Variants in DMBT1 observed in about 807,000 individuals in gnomAD.
The protein encoded by DMBT1 is scavenger receptor cysteine-rich domain-containing protein DMBT1.
A neutral mutation model predicts 252.9 loss-of-function variants in DMBT1; 198 were observed. The observed-to-expected ratio is 0.78, with a 90% CI of 0.70 to 0.88. The LOEUF (loss-of-function observed/expected upper bound fraction) is 0.88, where lower values mean the gene tolerates loss of function less well. DMBT1 is among the 40% of genes least tolerant of loss of function. DMBT1 has a pLI of 0.00. For missense variants in DMBT1, 2,432 were observed against 2,404.7 expected, an observed-to-expected ratio of 1.01 and a Z score of -0.24; for synonymous variants, 990 against 942.7, an observed-to-expected ratio of 1.05 and a Z score of -0.92.
At chr10:122,576,853 C>T in intron 7 of DMBT1, 131 bp downstream of exon 7, 1 of 1,095,128 alleles carries the variant, frequency 9.1e-7, no homozygotes, top group Non-Finnish European at 1.3e-6. Flanking sequence ...GATGGCAAAC[C>T]CCATCTCTAT....
Position 122,629,991 on chromosome 10 carries a change from GAAGT to G in DMBT1, c.5822+5_5822+8del, listed in dbSNP as rs1014303825. 1 of 1,613,980 alleles carries G rather than the reference GAAGT, an allele frequency of 6.2e-7. No homozygotes were observed. The highest frequency in any genetic ancestry group is 8.5e-7 in the Non-Finnish European group (1 of 1,179,890). The stretch of plus-strand genomic sequence containing the variant: ...GCATAAACCTGGGCTTCAGTAATCT[GAAGT>G]AAGTAATGCCTGGTCATCTGGTGAG... On this transcript the variant is annotated splice_donor_variant and coding_sequence_variant, in exon 47 of 56. Coordinates refer to ENST00000338354, the MANE Select transcript of DMBT1 (RefSeq NM_001377530.1). LOFTEE classifies it high-confidence loss of function.
chr10:122,569,747 TCTTTCGAAACCAC>T (rs2097643895), intron 2 of DMBT1, among the ~76,000 whole-genome samples: 1 of 152,228 alleles, frequency 6.6e-6, no homozygotes, highest in South Asian at 2.1e-4. Context: ...AGGTTGGTAT[TCTTTCGAAACCAC>T]CTTTCTTTCT....
At position 122,573,731 on chromosome 10, in the gene DMBT1, A is replaced by G. The variant is rs759408245; in HGVS notation, c.252A>G (p.Ser84=). The G allele has an allele frequency of 5.0e-6, 8 of 1,613,920 alleles. No individual in the cohort carries two copies. In the South Asian group the frequency reaches 8.8e-5, roughly 18 times the overall value. The part of the protein sequence containing the change: ...STVAEGSLIP[S]ESTLESTVAE... Reference sequence around the variant, plus strand: ...ACCCTGCAGGTTCTCTGATTCCCTCAGAGTCAACCCTGGAGTCAACTGTAG... The same window carrying G: ...ACCCTGCAGGTTCTCTGATTCCCTCGGAGTCAACCCTGGAGTCAACTGTAG... The change falls in exon 6 of 56, where the codon TCA becomes TCG. Residue 84 remains serine (S), a synonymous_variant. Transcript: ENST00000338354.
intron 1 of DMBT1, among the ~76,000 whole-genome samples, chr10:122,561,638 C>T (rs919796765): frequency 2.0e-5 from 2 of 101,030 alleles, no homozygotes; most frequent in African/African-American, 6.7e-5. Flanking sequence ...CCCTCTCTCT[C>T]CCTCTGTTTC....
intron 17 of DMBT1, among the ~76,000 whole-genome samples, chr10:122,590,286 GC>G (rs1467083487): frequency 4.7e-5 from 7 of 148,908 alleles, no homozygotes; most frequent in Non-Finnish European, 1.0e-4. Flanking sequence ...GCCCATTAGG[GC>G]TGCTGAGCAA....
In DMBT1 at chr10:122,599,547, G is replaced by T. The variant is rs546668951; in HGVS notation, c.3280+450G>T. Among the ~76,000 whole-genome samples the T allele has an allele frequency of 2.6e-5, 4 of 152,346 alleles. No homozygotes were observed. In the South Asian group the frequency reaches 8.3e-4, roughly 32 times the overall value. ...GAGGTCTGGAAATAGAGGCTCAAGG[G>T]TTAGGAGTGCAAATGGGTGTCTGAT... On this transcript the variant is annotated intron_variant, in intron 26 of 55. Transcript: ENST00000338354.
At chr10:122,638,560 G>A (rs1843910204) in intron 54 of DMBT1, among the ~76,000 whole-genome samples, 1 of 152,186 alleles carries the variant, frequency 6.6e-6, no homozygotes, top group African/African-American at 2.4e-5. Flanking sequence ...TCCAGCCTCA[G>A]CCTCCAGAGT....
chr10:122,620,991 G>A (rs2133638845), intron 43 of DMBT1, 66 bp from the exon 44 acceptor site: 2 of 1,602,320 alleles, frequency 1.2e-6, no homozygotes, highest in East Asian at 2.2e-5. Context: ...CCCTGAGTGT[G>A]GAACATTCCT....
rs2097842550 is a variant in DMBT1, at chr10:122,590,658, C to T, written c.2108-7C>T. ...GTGCATCTGATCTGACCTCCTCTTT[C>T]TCACAGCTGCCCAGTCCCGGTCGAC... On this transcript the variant is annotated splice_polypyrimidine_tract_variant and splice_region_variant and intron_variant, in intron 17 of 55. Coordinates refer to ENST00000338354, the MANE Select transcript of DMBT1 (RefSeq NM_001377530.1). 1 of 1,587,928 alleles carries T rather than the reference C, an allele frequency of 6.3e-7. No homozygotes were observed. The highest frequency in any genetic ancestry group is 8.6e-7 in the Non-Finnish European group (1 of 1,165,394).
In DMBT1 at chr10:122,621,113, C is replaced by T. The variant is rs778336161; in HGVS notation, c.5341C>T (p.Arg1781Ter). ...LVNGGDRCRG[R>*]VEVLYRGSWG... ...GAATGGAGGTGACAGGTGTCGAGGC[C>T]GAGTGGAGGTCCTGTATCGAGGCTC... The change falls in exon 44 of 56, where the codon CGA becomes TGA. Residue 1781 changes from arginine (R) to a stop codon, truncating the protein, a stop_gained. Coordinates refer to ENST00000338354, the MANE Select transcript of DMBT1 (RefSeq NM_001377530.1). LOFTEE classifies it high-confidence loss of function. The T allele has an allele frequency of 3.7e-6, 6 of 1,613,608 alleles. No homozygotes were observed. Among genetic ancestry groups the T allele is most frequent in the South Asian group, 2.2e-5 (2 of 91,060 alleles).
At chr10:122,634,397 TTTCTTTTC>T (rs1229590308) in intron 52 of DMBT1, among the ~76,000 whole-genome samples, 4 of 140,472 alleles carry the variant, frequency 2.8e-5, no homozygotes, top group African/African-American at 8.1e-5. Flanking sequence ...TCTTTCTTTC[TTTCTTTTC>T]TTTCTTTCTC....
In DMBT1 at chr10:122,578,888, A is replaced by G. The variant is rs190422222; in HGVS notation, c.679+129A>G. The G allele has an allele frequency of 1.5e-3, 1,342 of 907,500 alleles. 11 individuals carry two copies. In the African/African-American group the frequency reaches 0.02, roughly 14 times the overall value. The allele number at this position is 907,500 out of a possible 1,614,324, so 56.2% of individuals were successfully genotyped here. ...GGGCTAAGCGTGGGAGGGTGGCAGC[A>G]GGTGATAAACAGTTGGCTCAAGAGT... On this transcript the variant is annotated intron_variant, in intron 9 of 55. Coordinates refer to ENST00000338354, the MANE Select transcript of DMBT1 (RefSeq NM_001377530.1).
chr10:122,623,908 T>G (rs1024810240), intron 44 of DMBT1, among the ~76,000 whole-genome samples: 1 of 152,252 alleles, frequency 6.6e-6, no homozygotes, highest in African/African-American at 2.4e-5. Context: ...GCATAGGCAC[T>G]GCTAGGTATG....
rs565093237 is a variant in DMBT1, at chr10:122,587,442, G to A, written c.1783+1059G>A. 2.0e-5 allele frequency among the ~76,000 whole-genome samples: 3 copies of A among 149,082 alleles called. 1 individual carries two copies. The highest frequency in any genetic ancestry group is 4.1e-4 in the East Asian group (2 of 4,836). ...CAGTGTCTTGCCTGTGCACCGGTCA[G>A]GTGTGGGGCAGGCAGTGCCCATGAG... is the stretch of plus-strand genomic sequence containing the variant. On this transcript the variant is annotated intron_variant, in intron 16 of 55. Transcript: ENST00000338354.
intron 24 of DMBT1, among the ~76,000 whole-genome samples, chr10:122,597,710 G>A (rs531451438): frequency 6.6e-6 from 1 of 152,318 alleles, no homozygotes; most frequent in Admixed American, 6.5e-5. Flanking sequence ...GCATGTGTCA[G>A]TGCATGGAAC....
chr10:122,592,259 T>C lies in DMBT1; in HGVS notation c.2177-13T>C. ...GGTAGGGATGGATAAAGGGTTCTTG[T>C]GTTCCCCTGTAGGATCTGAATCCAG... On this transcript the variant is annotated splice_polypyrimidine_tract_variant and intron_variant, in intron 19 of 55. Transcript: ENST00000338354. 6.3e-7 allele frequency: 1 copy of C among 1,585,794 alleles called. No homozygotes were observed. The highest frequency in any genetic ancestry group is 8.6e-7 in the Non-Finnish European group (1 of 1,165,122).
intron 46 of DMBT1, among the ~76,000 whole-genome samples, chr10:122,626,302 TA>T (rs1201475122): frequency 1.3e-5 from 2 of 152,198 alleles, no homozygotes; most frequent in Non-Finnish European, 2.9e-5. Flanking sequence ...TCATTGCTTT[TA>T]AAAAATAATA....
chr10:122,592,628 A>G, intron 20 of DMBT1, 33 bp downstream of exon 20: 3 of 1,586,948 alleles, frequency 1.9e-6, no homozygotes, highest in Non-Finnish European at 2.6e-6. Context: ...TCCCTCTCCT[A>G]GACTGGAGTT....
intron 44 of DMBT1, 40 bp from the exon 45 acceptor site, chr10:122,625,237 G>A (rs1168542902): frequency 6.2e-7 from 1 of 1,601,402 alleles, no homozygotes; most frequent in African/African-American, 1.3e-5. Context: ...CATCATCCTG[G>A]GCACTGGGAC....
Sources: gnomAD v4.1 joint callset for allele counts (sites outside exome capture counted in the v4.1 genomes callset) on GRCh38, gnomAD v4.1.1 for gene constraint, MANE v1.5 for transcripts, NCBI Gene and HGNC (gene_info 2026-07-23, HGNC 2026-07-21) for gene names.